Variants in CHST9 observed in about 807,000 individuals in gnomAD.
CHST9 encodes GalNAc-4-sulfotransferase 2.
Under a neutral mutation model 44.4 loss-of-function variants are expected in CHST9, and 41 were observed. The ratio of observed to expected loss-of-function variants is 0.92; its 90% CI spans 0.72 to 1.20. CHST9 has a LOEUF of 1.20. Ranked by LOEUF, CHST9 falls within the 50% of genes most tolerant of loss-of-function variation. The pLI is 0.00. For synonymous variants in CHST9, 171 were observed against 178.4 expected (o/e 0.96, Z 0.33); for missense variants, 504 against 516.5 (o/e 0.98, Z 0.23).
At chr18:27,109,591 CTTGT>C (rs2058252353) in intron 2 of CHST9, among the ~76,000 whole-genome samples, 2 of 152,318 alleles carry the variant, frequency 1.3e-5, no homozygotes, top group South Asian at 2.1e-4. Flanking sequence ...GCTGCGACAG[CTTGT>C]TTATTTCAAG....
chr18:27,182,415 G>T (rs1465260602), intron 1 of CHST9, among the ~76,000 whole-genome samples: 2 of 152,118 alleles, frequency 1.3e-5, no homozygotes, highest in African/African-American at 4.8e-5. Context: ...CTTTTTCTTG[G>T]TTCCTGATAA....
intron 5 of CHST9, among the ~76,000 whole-genome samples, chr18:26,931,717 G>C (rs1316743210): frequency 6.6e-6 from 1 of 152,196 alleles, no homozygotes; most frequent in East Asian, 1.9e-4. Flanking sequence ...AAGGCTGGAG[G>C]GAGAGGCTGT....
intron 1 of CHST9, among the ~76,000 whole-genome samples, chr18:27,164,675 T>C (rs2058776374): frequency 6.6e-6 from 1 of 152,162 alleles, no homozygotes; most frequent in South Asian, 2.1e-4. Context: ...GTCTTGACAT[T>C]TCAGAACACT....
intron 5 of CHST9, among the ~76,000 whole-genome samples, chr18:26,931,482 AAAG>A (rs1344077472): frequency 6.6e-6 from 1 of 152,250 alleles, no homozygotes; most frequent in Non-Finnish European, 1.5e-5. Context: ...TGTAAAAACC[AAAG>A]AAAAGACTTG....
intron 1 of CHST9, chr18:27,147,697 G>A (rs1429507464): frequency 6.6e-6 from 1 of 152,190 alleles, no homozygotes; most frequent in African/African-American, 2.4e-5. Flanking sequence ...ATCTTTTCCA[G>A]GTTCTGGTGA....
At chr18:27,015,343 G>C (rs2057139835) in intron 4 of CHST9, among the ~76,000 whole-genome samples, 1 of 151,816 alleles carries the variant, frequency 6.6e-6, no homozygotes, top group African/African-American at 2.4e-5. Flanking sequence ...GTGTGTGTGT[G>C]TGTGTGTGTG....
In CHST9 at chr18:27,052,286, A is replaced by ATG. The variant is rs1303688063; in HGVS notation, c.122-3785_122-3784dup. 2.9e-5 allele frequency among the ~76,000 whole-genome samples: 2 copies of ATG among 69,750 alleles called. 1 individual carries two copies. The highest frequency in any genetic ancestry group is 8.1e-4 in the East Asian group (2 of 2,472). 45.8% of individuals were successfully genotyped at this position (69,750 alleles called of 152,430 possible). On this transcript the variant is annotated intron_variant, in intron 2 of 5. Transcript: ENST00000618847. The stretch of plus-strand genomic sequence containing the variant: ...TATATGTGTATATATATGTATATAT[A>ATG]TGTGTGTATATATGTATATATGTGT...
intron 4 of CHST9, among the ~76,000 whole-genome samples, chr18:26,979,536 C>T (rs2145188440): frequency 6.6e-6 from 1 of 152,124 alleles, no homozygotes; most frequent in Non-Finnish European, 1.5e-5. Context: ...TTGGTAGCTC[C>T]CCATGTTTTG....
chr18:27,160,667 ATAGT>A (rs1451712866), intron 1 of CHST9, among the ~76,000 whole-genome samples: 2 of 152,202 alleles, frequency 1.3e-5, no homozygotes, highest in Admixed American at 6.5e-5. Context: ...ATTGATTGGA[ATAGT>A]TTCAGAAGGA....
chr18:27,062,287 A>G (rs1264787958), intron 2 of CHST9, among the ~76,000 whole-genome samples: 1 of 152,006 alleles, frequency 6.6e-6, no homozygotes, highest in Non-Finnish European at 1.5e-5. Context: ...CATTAGGTAT[A>G]TCTCCTAATG....
chr18:27,041,860 G>A (rs1017882614), intron 3 of CHST9, among the ~76,000 whole-genome samples: 1 of 152,130 alleles, frequency 6.6e-6, no homozygotes, highest in Non-Finnish European at 1.5e-5. Flanking sequence ...TTAATGAACA[G>A]CCCAAGTGTA....
At chr18:27,125,224 C>G (rs1320712464) in intron 2 of CHST9, among the ~76,000 whole-genome samples, 1 of 152,006 alleles carries the variant, frequency 6.6e-6, no homozygotes. Flanking sequence ...ACTGTGAGAG[C>G]CCTAATTTAT....
intron 2 of CHST9, among the ~76,000 whole-genome samples, chr18:27,068,990 C>T (rs1023826866): frequency 3.3e-5 from 5 of 152,122 alleles, no homozygotes; most frequent in African/African-American, 1.2e-4. Flanking sequence ...ATTTTGCCTG[C>T]CATTTTATGT....
chr18:27,169,737 G>A (rs968397523), intron 1 of CHST9, among the ~76,000 whole-genome samples: 1 of 151,182 alleles, frequency 6.6e-6, no homozygotes, highest in Non-Finnish European at 1.5e-5. Flanking sequence ...CTCCCGAGCA[G>A]CTGGGACTAC....
Position 27,092,093 on chromosome 18 carries a change from G to A in CHST9, c.122-43590C>T, listed in dbSNP as rs1257909614. Reference sequence around the variant, plus strand: ...CGTCCTGGACTTTTTTTGGTTGGTAGGCTACTAATTATTGCCTCAATTTCA... The same window carrying A: ...CGTCCTGGACTTTTTTTGGTTGGTAAGCTACTAATTATTGCCTCAATTTCA... On this transcript the variant is annotated intron_variant, in intron 2 of 5. Coordinates refer to ENST00000618847, the MANE Select transcript of CHST9 (RefSeq NM_031422.6). Among the ~76,000 whole-genome samples the A allele has an allele frequency of 2.6e-5, 4 of 152,078 alleles. No individual in the cohort carries two copies. The East Asian group carries it at 7.7e-4, about 29-fold the overall frequency.
At chr18:26,922,098 G>A (rs971722819) in intron 5 of CHST9, among the ~76,000 whole-genome samples, 4 of 151,996 alleles carry the variant, frequency 2.6e-5, no homozygotes, top group Non-Finnish European at 5.9e-5. Context: ...ATCAGTGAAC[G>A]TCCCCATTCC....
chr18:27,088,193 C>A (rs1215073639), intron 2 of CHST9, among the ~76,000 whole-genome samples: 1 of 152,026 alleles, frequency 6.6e-6, no homozygotes, highest in Non-Finnish European at 1.5e-5. Flanking sequence ...TTACATACAG[C>A]CATAGGAGAA....
chr18:27,152,335 TAG>T (rs1016577278), intron 1 of CHST9, among the ~76,000 whole-genome samples: 3 of 133,864 alleles, frequency 2.2e-5, no homozygotes, highest in Middle Eastern at 4.0e-3. Context: ...GTATTCAGTG[TAG>T]AGTCTTTTTT....
intron 3 of CHST9, among the ~76,000 whole-genome samples, chr18:27,029,019 G>T (rs986203726): frequency 2.6e-5 from 4 of 152,110 alleles, no homozygotes; most frequent in African/African-American, 7.2e-5. Context: ...AGAATTTGAC[G>T]CCTGAATTTG....
Sources: gnomAD v4.1 joint callset for allele counts (sites outside exome capture counted in the v4.1 genomes callset) on GRCh38, gnomAD v4.1.1 for gene constraint, MANE v1.5 for transcripts, NCBI Gene and HGNC (gene_info 2026-07-23, HGNC 2026-07-21) for gene names.